The following PDE12 variants were observed in gnomAD, a reference collection of about 807,000 sequenced individuals.
The protein encoded by PDE12 is phosphodiesterase 12.
In PDE12, 26 loss-of-function variants were observed where a neutral mutation model predicts 45.4. The observed-to-expected ratio is 0.57, with a 90% CI of 0.42 to 0.79. The LOEUF (loss-of-function observed/expected upper bound fraction) is 0.79, where lower values mean the gene tolerates loss of function less well. Ranked by LOEUF, PDE12 falls within the 30% of genes least tolerant of loss-of-function variation. The pLI is 0.00. For missense variants in PDE12, 668 were observed against 790.0 expected (o/e 0.85, Z 1.85); for synonymous variants, 283 against 323.9 (o/e 0.87, Z 1.36).
chr3:57,647,711 C>T, the PDE12 span, among the ~76,000 whole-genome samples: 2 of 152,032 alleles, frequency 1.3e-5, no homozygotes, highest in African/African-American at 4.8e-5. Flanking sequence ...AGGGTAAGCA[C>T]ACAAGCAGGG....
intron 1 of PDE12, among the ~76,000 whole-genome samples, chr3:57,558,805 T>C (rs901616161): frequency 2.7e-5 from 4 of 150,472 alleles, no homozygotes; most frequent in African/African-American, 7.4e-5. Flanking sequence ...TGGACTATTA[T>C]TAAAACATGT....
At chr3:57,606,114 TA>T in the PDE12 span, among the ~76,000 whole-genome samples, 2 of 152,182 alleles carry the variant, frequency 1.3e-5, no homozygotes, top group African/African-American at 4.8e-5. Context: ...CAAATTTGGT[TA>T]AACCACACGT....
At position 57,561,604 on chromosome 3, in the gene PDE12, A is replaced by T. The variant is rs2069729327; in HGVS notation, c.*1600A>T. 57 of 985,264 alleles carry T rather than the reference A, an allele frequency of 5.8e-5. No homozygotes were observed. The highest frequency in any genetic ancestry group is 6.9e-5 in the Non-Finnish European group (57 of 829,788). 61.0% of individuals were successfully genotyped at this position (985,264 alleles called of 1,614,324 possible). ...ATTAGCTGTTGCTTTTTTGATGTTCAGGATAACTATGTTATCTCATTTCTG... is the reference window on the plus strand; with the variant it reads ...ATTAGCTGTTGCTTTTTTGATGTTCTGGATAACTATGTTATCTCATTTCTG... On this transcript the variant is annotated 3_prime_UTR_variant, in exon 3 of 3. Transcript: ENST00000311180.
chr3:57,560,536 G>A lies in PDE12; in HGVS notation c.*532G>A. On this transcript the variant is annotated 3_prime_UTR_variant, in exon 3 of 3. Transcript: ENST00000311180. ...AAATGGGGTTTCGCCACGTTGGCCA[G>A]GCTGGTCTTGAACTCCTGACCTCAG... 1.8e-6 allele frequency: 1 copy of A among 559,814 alleles called. No homozygotes were observed. The highest frequency in any genetic ancestry group is 2.3e-6 in the Non-Finnish European group (1 of 441,314). 34.7% of individuals were successfully genotyped at this position (559,814 alleles called of 1,614,324 possible). A position where few individuals can be genotyped will look rare whatever the true frequency, so the allele number is the denominator to read the frequency against.
chr3:57,635,941 C>G, the PDE12 span, among the ~76,000 whole-genome samples: 9 of 152,226 alleles, frequency 5.9e-5, no homozygotes, highest in Admixed American at 3.3e-4. Context: ...TTATGATGAT[C>G]CACTTCCACT....
intron 1 of PDE12, 42 bp downstream of exon 1, chr3:57,557,729 T>C: frequency 5.1e-6 from 8 of 1,554,046 alleles, no homozygotes; most frequent in Non-Finnish European, 7.1e-6. Flanking sequence ...TGTCCCACTT[T>C]TAGGGGCCAG....
the PDE12 span, among the ~76,000 whole-genome samples, chr3:57,620,091 G>A: frequency 4.0e-5 from 6 of 151,838 alleles, no homozygotes; most frequent in South Asian, 8.3e-4. Context: ...GCGCAGTGGC[G>A]GGCGCCTGTA....
chr3:57,621,530 C>A, the PDE12 span, among the ~76,000 whole-genome samples: 4 of 151,916 alleles, frequency 2.6e-5, no homozygotes, highest in African/African-American at 9.7e-5. Flanking sequence ...ATTAGCCAGG[C>A]GTGGTGGTGC....
chr3:57,638,966 C>T, the PDE12 span, among the ~76,000 whole-genome samples: 4 of 152,146 alleles, frequency 2.6e-5, no homozygotes, highest in South Asian at 2.1e-4. Flanking sequence ...GGCGTGGTGG[C>T]GTGCACCTGT....
the PDE12 span, chr3:57,584,011 C>A: frequency 6.3e-7 from 1 of 1,577,432 alleles, no homozygotes; most frequent in Admixed American, 1.7e-5. Flanking sequence ...TTAAAACCTA[C>A]AAAGAAAAAC....
the PDE12 span, among the ~76,000 whole-genome samples, chr3:57,654,213 C>A: frequency 2.0e-5 from 3 of 151,962 alleles, no homozygotes; most frequent in Non-Finnish European, 4.4e-5. Flanking sequence ...CCTTGGCCTC[C>A]CAAAGTGCCG....
the PDE12 span, among the ~76,000 whole-genome samples, chr3:57,582,247 A>G: frequency 2.8e-5 from 4 of 144,540 alleles, no homozygotes; most frequent in South Asian, 8.7e-4. Context: ...ACATTCTACT[A>G]TTTTTTTTTT....
the PDE12 span, among the ~76,000 whole-genome samples, chr3:57,614,922 G>A: frequency 6.6e-6 from 1 of 151,424 alleles, no homozygotes; most frequent in Admixed American, 6.6e-5. Flanking sequence ...GAATCCGGGC[G>A]GCAGATGTTG....
At chr3:57,568,068 C>CAAA (rs11360766), downstream of PDE12, among the ~76,000 whole-genome samples, 13 of 47,544 alleles carry the variant, frequency 2.7e-4, no homozygotes, top group African/African-American at 8.9e-4. Context: ...GACTCCATCT[C>CAAA]AAAAAAAAAA....
At position 57,561,647 on chromosome 3, in the gene PDE12, G is replaced by C. The variant is rs1400729561; in HGVS notation, c.*1643G>C. The stretch of plus-strand genomic sequence containing the variant: ...CATTTCTGCATTTAATTAATAGCTC[G>C]AGTATTAAAAGCCCACTCCCTTCAA... On this transcript the variant is annotated 3_prime_UTR_variant, in exon 3 of 3. Coordinates refer to ENST00000311180, the MANE Select transcript of PDE12 (RefSeq NM_177966.7). The C allele has an allele frequency of 5.1e-6, 5 of 984,800 alleles. No homozygotes were observed. The highest frequency in any genetic ancestry group is 6.2e-5 in the Admixed American group (1 of 16,202). The allele number at this position is 984,800 out of a possible 1,614,324, so 61.0% of individuals were successfully genotyped here.
At chr3:57,574,673 T>A in the PDE12 span, among the ~76,000 whole-genome samples, 1 of 152,016 alleles carries the variant, frequency 6.6e-6, no homozygotes, top group Non-Finnish European at 1.5e-5. Context: ...TCCCAAAGTA[T>A]TGGGATTACG....
At chr3:57,586,128 C>T in the PDE12 span, among the ~76,000 whole-genome samples, 2 of 152,168 alleles carry the variant, frequency 1.3e-5, no homozygotes, top group Non-Finnish European at 1.5e-5. Flanking sequence ...CCTGAATATT[C>T]TGCAGTGTTT....
the PDE12 span, among the ~76,000 whole-genome samples, chr3:57,640,875 CA>C: frequency 2.6e-5 from 4 of 152,004 alleles, no homozygotes; most frequent in Non-Finnish European, 4.4e-5. Context: ...TCTAGGTTAA[CA>C]AAACTTCCAA....
the PDE12 span, chr3:57,628,291 G>C: frequency 6.2e-6 from 10 of 1,614,090 alleles, no homozygotes; most frequent in Non-Finnish European, 8.5e-6. Flanking sequence ...ATGTGTGTCC[G>C]TAACTTTTCC....
Sources: allele counts gnomAD v4.1 joint callset (sites outside exome capture counted in the v4.1 genomes callset), GRCh38; gene constraint gnomAD v4.1.1; transcripts MANE v1.5; gene names NCBI Gene and HGNC (gene_info 2026-07-23, HGNC 2026-07-21).